Variants in NR2C2 observed in about 807,000 individuals in gnomAD.
NR2C2 encodes nuclear receptor subfamily 2 group C member 2, also known as Nuclear hormone receptor TR4.
In NR2C2, 6 loss-of-function variants were observed where a neutral mutation model predicts 62.9. The ratio of observed to expected loss-of-function variants is 0.10; its 90% CI spans 0.05 to 0.19. NR2C2 has a LOEUF of 0.19. NR2C2 is among the 10% of genes least tolerant of loss of function. NR2C2 has a pLI of 1.00. For missense variants in NR2C2, 479 were observed against 762.7 expected (o/e 0.63, Z 4.38); for synonymous variants, 272 against 273.8 (o/e 0.99, Z 0.07).
At chr3:15,029,788 AAAT>A (rs1336731361) in intron 8 of NR2C2, among the ~76,000 whole-genome samples, 1 of 133,542 alleles carries the variant, frequency 7.5e-6, no homozygotes, top group Admixed American at 8.1e-5. Context: ...AAAAGTAAAT[AAAT>A]AATAGATAGA....
intron 1 of NR2C2, among the ~76,000 whole-genome samples, chr3:14,956,419 T>C (rs996678025): frequency 2.6e-5 from 4 of 152,258 alleles, no homozygotes; most frequent in Admixed American, 1.3e-4. Flanking sequence ...CAAGTAGTTA[T>C]TAGGTATTGG....
At chr3:15,039,086 A>G (rs2042182090) in intron 12 of NR2C2, 36 bp from the exon 13 acceptor site, 1 of 1,472,972 alleles carries the variant, frequency 6.8e-7, no homozygotes, top group Non-Finnish European at 9.4e-7. Flanking sequence ...TTTCAAATAC[A>G]GAGGGAACTG....
At position 15,004,713 on chromosome 3, in the gene NR2C2, A is replaced by T. The variant is rs374478005; in HGVS notation, c.72+727A>T. 7.3e-6 allele frequency: 10 copies of T among 1,366,170 alleles called. No individual in the cohort carries two copies. In the African/African-American group the frequency reaches 1.4e-4, roughly 20 times the overall value. The allele number at this position is 1,366,170 out of a possible 1,614,324, so 84.6% of individuals were successfully genotyped here. A position where few individuals can be genotyped will look rare whatever the true frequency, so the allele number is the denominator to read the frequency against. On this transcript the variant is annotated intron_variant, in intron 2 of 13. Transcript: ENST00000425241. Reference sequence around the variant, plus strand: ...CTCAACAAGCTGAATCAAAAAGCCAATTATAACGGTTGATTTCTCTGTTTT... The same window carrying T: ...CTCAACAAGCTGAATCAAAAAGCCATTTATAACGGTTGATTTCTCTGTTTT...
intron 1 of NR2C2, among the ~76,000 whole-genome samples, chr3:14,970,865 A>G (rs996480763): frequency 4.6e-5 from 7 of 152,322 alleles, no homozygotes; most frequent in African/African-American, 1.7e-4. Context: ...TGATGGTTCA[A>G]CTTACAATTT....
chr3:15,028,536 C>G, intron 7 of NR2C2, 50 bp from the exon 8 acceptor site: 1 of 1,578,130 alleles, frequency 6.3e-7, no homozygotes, highest in Middle Eastern at 1.7e-4. Context: ...GCCTGAGAGT[C>G]ATTTGCGTAT....
At chr3:14,978,120 C>T (rs2040260446) in intron 1 of NR2C2, among the ~76,000 whole-genome samples, 2 of 152,074 alleles carry the variant, frequency 1.3e-5, no homozygotes, top group Non-Finnish European at 2.9e-5. Flanking sequence ...TGTTTTTGTA[C>T]ATGTGTAAGC....
At chr3:15,011,271 T>C (rs572461208) in intron 2 of NR2C2, among the ~76,000 whole-genome samples, 55 of 152,102 alleles carry the variant, frequency 3.6e-4, no homozygotes, top group Non-Finnish European at 6.2e-4. Context: ...CCCAGGAGGT[T>C]GAGACTGCGG....
chr3:14,991,332 T>C (rs1199885297), intron 1 of NR2C2, among the ~76,000 whole-genome samples: 1 of 152,234 alleles, frequency 6.6e-6, no homozygotes, highest in Non-Finnish European at 1.5e-5. Flanking sequence ...AGCAGCCTCC[T>C]GTGGATTCTT....
intron 8 of NR2C2, 33 bp from the exon 9 acceptor site, chr3:15,030,242 C>G (rs1559304444): frequency 6.3e-7 from 1 of 1,578,110 alleles, no homozygotes; most frequent in South Asian, 1.2e-5. Flanking sequence ...GCTGTAGATT[C>G]ACAACAATTA....
intron 2 of NR2C2, among the ~76,000 whole-genome samples, chr3:15,013,111 G>A (rs980731835): frequency 3.3e-5 from 5 of 152,172 alleles, no homozygotes; most frequent in African/African-American, 1.2e-4. Context: ...TAAGTTGAGT[G>A]TGTGTCAGCA....
At position 14,972,979 on chromosome 3, in the gene NR2C2, C is replaced by T. The variant is rs940818374; in HGVS notation, c.-40+25073C>T. 3.9e-5 allele frequency among the ~76,000 whole-genome samples: 6 copies of T among 152,190 alleles called. No individual in the cohort carries two copies. In the East Asian group the frequency reaches 9.6e-4, roughly 24 times the overall value. On this transcript the variant is annotated intron_variant, in intron 1 of 13. Transcript: ENST00000425241. The stretch of plus-strand genomic sequence containing the variant: ...GATCACCTCCCATCAGGCCGCACCT[C>T]CAGCACTGGGGATTACAGTTTGACA...
chr3:15,034,044 C>A (rs1329649215), intron 10 of NR2C2, among the ~76,000 whole-genome samples: 1 of 152,216 alleles, frequency 6.6e-6, no homozygotes, highest in Non-Finnish European at 1.5e-5. Context: ...CTCCGGCCTC[C>A]TGAAATCTTG....
intron 1 of NR2C2, among the ~76,000 whole-genome samples, chr3:14,995,729 A>C (rs1009728230): frequency 1.3e-5 from 2 of 149,836 alleles, no homozygotes; most frequent in African/African-American, 5.0e-5. Flanking sequence ...AATAGTAACT[A>C]TTTTCAAACT....
chr3:15,001,656 C>T (rs1259894247), intron 1 of NR2C2, among the ~76,000 whole-genome samples: 1 of 151,532 alleles, frequency 6.6e-6, no homozygotes, highest in Non-Finnish European at 1.5e-5. Context: ...TTTTGAAAGT[C>T]TTGCCCAGGC....
chr3:14,982,974 AT>A (rs1453318086), intron 1 of NR2C2, among the ~76,000 whole-genome samples: 1 of 152,188 alleles, frequency 6.6e-6, no homozygotes, highest in Non-Finnish European at 1.5e-5. Context: ...TTAATTTTTA[AT>A]TTTGTGAATA....
At chr3:15,001,485 C>T (rs1448725321) in intron 1 of NR2C2, among the ~76,000 whole-genome samples, 1 of 151,824 alleles carries the variant, frequency 6.6e-6, no homozygotes, top group African/African-American at 2.4e-5. Context: ...CAGGCCCCGC[C>T]ATCATACCCG....
At chr3:15,004,490 T>C in intron 2 of NR2C2, 1 of 1,418,922 alleles carries the variant, frequency 7.0e-7, no homozygotes, top group Non-Finnish European at 9.5e-7. Flanking sequence ...ACTAATTATA[T>C]AATAACTTAT....
intron 3 of NR2C2, 45 bp from the exon 4 acceptor site, chr3:15,016,107 T>G (rs373064847): frequency 1.3e-4 from 194 of 1,492,702 alleles, no homozygotes; most frequent in Non-Finnish European, 1.7e-4. Flanking sequence ...CGGCAGTGAT[T>G]TGATTTTTAA....
chr3:15,040,305 T>C (rs377177969), intron 13 of NR2C2, among the ~76,000 whole-genome samples: 37 of 152,364 alleles, frequency 2.4e-4, no homozygotes, highest in African/African-American at 8.2e-4. Flanking sequence ...TGACAACTTC[T>C]GACCTACCAG....
Sources: allele counts gnomAD v4.1 joint callset (sites outside exome capture counted in the v4.1 genomes callset), GRCh38; gene constraint gnomAD v4.1.1; transcripts MANE v1.5; gene names NCBI Gene and HGNC (gene_info 2026-07-23, HGNC 2026-07-21).